CHSY1: variants seen among roughly 807,000 people sequenced by gnomAD.
CHSY1 encodes the protein N-acetylgalactosaminyl-proteoglycan 3-beta-glucuronosyltransferase 1.
Under a neutral mutation model 59.8 loss-of-function variants are expected in CHSY1, and 13 were observed. That is an observed-to-expected ratio of 0.22 (90% CI 0.14 to 0.35). CHSY1 has a LOEUF of 0.35. Among genes scored for constraint, CHSY1 ranks in the 10% least tolerant of loss-of-function variants. The pLI is 1.00. For synonymous variants in CHSY1, 459 were observed against 401.2 expected (o/e 1.14, Z -1.72); for missense variants, 947 against 1,030.6 (o/e 0.92, Z 1.11).
intron 2 of CHSY1, among the ~76,000 whole-genome samples, chr15:101,194,275 T>C (rs2038481258): frequency 6.6e-6 from 1 of 152,248 alleles, no homozygotes. Flanking sequence ...AAAAATTTCA[T>C]TGGAGGTAAA....
chr15:101,201,052 C>T (rs1441959031), intron 2 of CHSY1, among the ~76,000 whole-genome samples: 2 of 144,440 alleles, frequency 1.4e-5, no homozygotes, highest in Admixed American at 1.4e-4. Flanking sequence ...ACACAATATC[C>T]AATATCCCAC....
intron 2 of CHSY1, among the ~76,000 whole-genome samples, chr15:101,194,608 G>A (rs1315949476): frequency 1.3e-5 from 2 of 152,156 alleles, no homozygotes; most frequent in South Asian, 2.1e-4. Flanking sequence ...AAGAGGATGC[G>A]ACAGCTGCTT....
chr15:101,179,047 G>A (rs2038239533), intron 2 of CHSY1, 67 bp from the exon 3 acceptor site: 5 of 1,483,232 alleles, frequency 3.4e-6, no homozygotes, highest in Non-Finnish European at 4.7e-6. Context: ...ACATGCTAAA[G>A]AAAATGCAAA....
At chr15:101,206,196 G>T (rs1252454512) in intron 2 of CHSY1, among the ~76,000 whole-genome samples, 2 of 151,864 alleles carry the variant, frequency 1.3e-5, no homozygotes, top group Non-Finnish European at 2.9e-5. Flanking sequence ...GAGGCGAGAG[G>T]TTTGATTCAG....
intron 2 of CHSY1, among the ~76,000 whole-genome samples, chr15:101,190,497 A>G (rs914981723): frequency 6.6e-6 from 1 of 152,216 alleles, no homozygotes; most frequent in African/African-American, 2.4e-5. Flanking sequence ...TGCAAAAGGC[A>G]AAACTGCAAA....
At chr15:101,216,237 A>G (rs1400034396) in intron 2 of CHSY1, among the ~76,000 whole-genome samples, 1 of 152,250 alleles carries the variant, frequency 6.6e-6, no homozygotes. Context: ...CAAAACACTG[A>G]TAACACCCAG....
At chr15:101,199,535 T>A (rs536294443) in intron 2 of CHSY1, among the ~76,000 whole-genome samples, 3 of 152,034 alleles carry the variant, frequency 2.0e-5, no homozygotes, top group African/African-American at 7.2e-5. Flanking sequence ...AAAAAACACA[T>A]CATTTCAGAT....
intron 2 of CHSY1, 69 bp downstream of exon 2, chr15:101,235,013 A>T: frequency 6.3e-7 from 1 of 1,579,506 alleles, no homozygotes; most frequent in Non-Finnish European, 8.6e-7. Flanking sequence ...GTTTCCTATG[A>T]TACGCTCAGA....
chr15:101,181,287 G>A (rs1356607216), intron 2 of CHSY1, among the ~76,000 whole-genome samples: 1 of 152,250 alleles, frequency 6.6e-6, no homozygotes, highest in African/African-American at 2.4e-5. Flanking sequence ...ACTGTCTGCT[G>A]TGAGATAAAA....
At chr15:101,193,863 C>T (rs1448661504) in intron 2 of CHSY1, among the ~76,000 whole-genome samples, 2 of 152,230 alleles carry the variant, frequency 1.3e-5, no homozygotes, top group Non-Finnish European at 2.9e-5. Context: ...GCTCTCTTGG[C>T]CATGGAGACC....
Position 101,209,911 on chromosome 15 carries a change from T to C in CHSY1, c.816+25171A>G, listed in dbSNP as rs113023300. ...AATGGCAAGTTCAACACAGAAAGTA[T>C]ACAAAAAGTATACAAGTGCCTTAAA... On this transcript the variant is annotated intron_variant, in intron 2 of 2. Coordinates refer to ENST00000254190, the MANE Select transcript of CHSY1 (RefSeq NM_014918.5). Among the ~76,000 whole-genome samples, 5 of 152,342 alleles carry C rather than the reference T, an allele frequency of 3.3e-5. 1 individual carries two copies. Among genetic ancestry groups the C allele is most frequent in the Admixed American group, 1.3e-4 (2 of 15,298 alleles).
Position 101,178,002 on chromosome 15 carries a change from T to A in CHSY1, c.1795A>T (p.Met599Leu), listed in dbSNP as rs2038216332. ...TCTCCAGACACAGGCAAAATCTGCA[T>A]GTCGGCTTTAGGGTACTTAATGCGG... Reference protein sequence around the residue: ...DYRIKYPKADMQILPVSGEFS... With the variant: ...DYRIKYPKADLQILPVSGEFS... Residue 599 changes from methionine (M) to leucine (L), a missense_variant, in exon 3 of 3, where the codon ATG (methionine) becomes TTG (leucine). Physicochemically the swap from Met to Leu is conservative, Grantham distance 15 (BLOSUM62 2). Transcript: ENST00000254190. 1 of 1,614,246 alleles carries A rather than the reference T, an allele frequency of 6.2e-7. No individual in the cohort carries two copies. The highest frequency in any genetic ancestry group is 8.5e-7 in the Non-Finnish European group (1 of 1,180,048).
chr15:101,222,109 A>C (rs1397795117), intron 2 of CHSY1, among the ~76,000 whole-genome samples: 1 of 152,198 alleles, frequency 6.6e-6, no homozygotes, highest in Non-Finnish European at 1.5e-5. Context: ...AGCTCTTTGT[A>C]AGGGTTAGAA....
intron 2 of CHSY1, among the ~76,000 whole-genome samples, chr15:101,212,347 C>A (rs1158906116): frequency 2.6e-5 from 4 of 152,078 alleles, no homozygotes; most frequent in African/African-American, 4.8e-5. Context: ...AAAATGTCCA[C>A]AAACAAAATC....
intron 2 of CHSY1, among the ~76,000 whole-genome samples, chr15:101,204,301 G>C (rs538227896): frequency 2.6e-5 from 4 of 152,062 alleles, no homozygotes; most frequent in Admixed American, 2.6e-4. Context: ...GGGCGTGGTG[G>C]CGTGCACCTG....
chr15:101,246,478 T>C (rs1011772011), intron 1 of CHSY1, among the ~76,000 whole-genome samples: 1 of 151,938 alleles, frequency 6.6e-6, no homozygotes. Flanking sequence ...AAAGGGGAAC[T>C]TGTCCACCGG....
intron 1 of CHSY1, among the ~76,000 whole-genome samples, chr15:101,239,740 T>C (rs2038983529): frequency 6.6e-6 from 1 of 152,226 alleles, no homozygotes; most frequent in African/African-American, 2.4e-5. Context: ...AGCTATGTAC[T>C]GAAATCCTCT....
chr15:101,244,706 G>A (rs142425582), intron 1 of CHSY1, among the ~76,000 whole-genome samples: 64 of 152,264 alleles, frequency 4.2e-4, no homozygotes, highest in African/African-American at 1.4e-3. Flanking sequence ...GCTTTGTACT[G>A]GCCATACTGT....
At chr15:101,184,489 T>C (rs7180690) in intron 2 of CHSY1, among the ~76,000 whole-genome samples, 101,114 of 151,558 alleles carry the variant, frequency 0.67, 35,139 homozygotes, top group East Asian at 0.87. Context: ...GCTGGAACTA[T>C]AAGCATACAC....
Sources: allele counts gnomAD v4.1 joint callset (sites outside exome capture counted in the v4.1 genomes callset), GRCh38; gene constraint gnomAD v4.1.1; transcripts MANE v1.5; gene names NCBI Gene and HGNC (gene_info 2026-07-23, HGNC 2026-07-21).